Variants in KCTD19 observed in about 807,000 individuals in gnomAD.
KCTD19 encodes BTB/POZ domain-containing protein KCTD19.
A neutral mutation model predicts 103.5 loss-of-function variants in KCTD19; 67 were observed. That is an observed-to-expected ratio of 0.65 (90% CI 0.53 to 0.79). The LOEUF (loss-of-function observed/expected upper bound fraction) is 0.79, where lower values mean the gene tolerates loss of function less well. Ranked by LOEUF, KCTD19 falls within the 30% of genes least tolerant of loss-of-function variation. The pLI is 0.00. For synonymous variants in KCTD19, 439 were observed against 452.2 expected, an observed-to-expected ratio of 0.97 and a Z score of 0.37; for missense variants, 980 against 1,136.1, an observed-to-expected ratio of 0.86 and a Z score of 1.98.
At chr16:67,301,956 G>A in intron 4 of KCTD19, 34 bp from the exon 5 acceptor site, 1 of 1,611,774 alleles carries the variant, frequency 6.2e-7, no homozygotes, top group Non-Finnish European at 8.5e-7. Flanking sequence ...GTGAGTTAAT[G>A]AGGCTATTTC....
In KCTD19 at chr16:67,293,491, G is replaced by A. The variant is rs1479070450; in HGVS notation, c.2218+53C>T. 2 of 1,571,856 alleles carry A rather than the reference G, an allele frequency of 1.3e-6. No homozygotes were observed. Among genetic ancestry groups the A allele is most frequent in the African/African-American group, 1.4e-5 (1 of 73,640 alleles). ...CTTGCTCTGCCATCTTGGCCAAAGA[G>A]TTTGCCTTCTCTGTTGTGAATAAGA... On this transcript the variant is annotated intron_variant, in intron 12 of 15. Transcript: ENST00000304372. This position sits in a 1 kb window ranked among gnomAD's most constrained non-coding sequence, Gnocchi z 4.0.
rs1192314096 is a variant in KCTD19 at position 67,323,740 on chromosome 16, T to G, written c.4-2855A>C. On this transcript the variant is annotated intron_variant, in intron 1 of 15. Coordinates refer to ENST00000304372, the MANE Select transcript of KCTD19 (RefSeq NM_001100915.3). This position sits in a 1 kb window ranked among gnomAD's most constrained non-coding sequence, Gnocchi z 4.1. Reference sequence around the variant, plus strand: ...TGGGGAGATGGGGTGTGACTACTAATGAGTATGGGATTTCTTTTGGGGATG... The same window carrying G: ...TGGGGAGATGGGGTGTGACTACTAAGGAGTATGGGATTTCTTTTGGGGATG... 6.6e-6 allele frequency among the ~76,000 whole-genome samples: 1 copy of G among 152,148 alleles called. No individual in the cohort carries two copies. Among genetic ancestry groups the G allele is most frequent in the Non-Finnish European group, 1.5e-5 (1 of 68,042 alleles).
Position 67,298,634 on chromosome 16 carries a change from A to C in KCTD19, c.986+729T>G, listed in dbSNP as rs570957402. On this transcript the variant is annotated intron_variant, in intron 6 of 15. Coordinates refer to ENST00000304372, the MANE Select transcript of KCTD19 (RefSeq NM_001100915.3). ...TGACATCAGGGTGGACATCTCTGAA[A>C]GATATGGACTTTATGGGCTAAAAGA... 4.3e-4 allele frequency among the ~76,000 whole-genome samples: 65 copies of C among 152,290 alleles called. 1 individual carries two copies. Among genetic ancestry groups the C allele is most frequent in the African/African-American group, 1.5e-3 (63 of 41,552 alleles).
rs1438935069 is a variant in KCTD19, at chr16:67,325,361, C to T, written c.3+1344G>A. Among the ~76,000 whole-genome samples the T allele has an allele frequency of 3.0e-4, 45 of 149,276 alleles. 1 individual carries two copies. On this transcript the variant is annotated intron_variant, in intron 1 of 15. Coordinates refer to ENST00000304372, the MANE Select transcript of KCTD19 (RefSeq NM_001100915.3). The stretch of plus-strand genomic sequence containing the variant: ...TCAAGTAGCTGGGACTACAGGCGCC[C>T]GCCACCACGCCCGGCTTTATTTTAT...
chr16:67,311,478 G>C (rs553465505), intron 2 of KCTD19, among the ~76,000 whole-genome samples: 39 of 151,982 alleles, frequency 2.6e-4, no homozygotes, highest in African/African-American at 9.2e-4. Flanking sequence ...AATTTTTGTA[G>C]TTTTAGTAGA....
rs779715634 is a variant in KCTD19, at chr16:67,294,098, A to G, written c.1664T>C (p.Leu555Pro). Residue 555 changes from leucine (L) to proline (P), a missense_variant, in exon 12 of 16, where the codon CTG (leucine) becomes CCG (proline). Coordinates refer to ENST00000304372, the MANE Select transcript of KCTD19 (RefSeq NM_001100915.3). Reference protein sequence around the residue: ...RTPWNKAKGNLVRSNQMDEAE... With the variant: ...RTPWNKAKGNPVRSNQMDEAE... ...CTCATCCATCTGGTTGGACCTGACC[A>G]GGTTTCCCTTAGCCTTGTTCCATGG... 2.5e-6 allele frequency: 4 copies of G among 1,613,930 alleles called. No homozygotes were observed. Among genetic ancestry groups the G allele is most frequent in the Non-Finnish European group, 3.4e-6 (4 of 1,179,826 alleles).
At position 67,299,409 on chromosome 16, in the gene KCTD19, T is replaced by A. The variant is rs1297342779; in HGVS notation, c.940A>T (p.Ser314Cys). 29 of 1,614,138 alleles carry A rather than the reference T, an allele frequency of 1.8e-5. No homozygotes were observed. Among genetic ancestry groups the A allele is most frequent in the Non-Finnish European group, 2.5e-5 (29 of 1,180,054 alleles). Residue 314 changes from serine (S) to cysteine (C), a missense_variant, in exon 6 of 16, where the codon AGC becomes TGC. Transcript: ENST00000304372. The stretch of plus-strand genomic sequence containing the variant: ...CCATTCCCTGTGATGTACAGTCGGC[T>A]TCCGTCTAGCGTGCTCTCGATGCGA... Reference protein sequence around the residue: ...QLRIESTLDGSRLYITGNGVL... With the variant: ...QLRIESTLDGCRLYITGNGVL...
intron 1 of KCTD19, 117 bp downstream of exon 1, chr16:67,326,588 G>T: frequency 7.1e-7 from 1 of 1,406,856 alleles, no homozygotes. Flanking sequence ...GGGGCCCCTC[G>T]CTCTCTCCCA....
At position 67,303,153 on chromosome 16, in the gene KCTD19, G is replaced by T. The variant is rs757055899; in HGVS notation, c.636C>A (p.Arg212=). ...ALIECECSEF[R]FIVNFLRSQK... Reference sequence around the variant, plus strand: ...CCCGGACAGAGCAATCACCAATGAAGCGGAACTCGCTGCACTCGCACTCGA... The same window carrying T: ...CCCGGACAGAGCAATCACCAATGAATCGGAACTCGCTGCACTCGCACTCGA... The change falls in exon 4 of 16, where the codon CGC becomes CGA. Residue 212 remains arginine (R), a synonymous_variant. Transcript: ENST00000304372. The surrounding 1 kb of genome is among the most constrained non-coding windows in gnomAD (Gnocchi z 4.3). 1 of 1,605,622 alleles carries T rather than the reference G, an allele frequency of 6.2e-7. No homozygotes were observed. Among genetic ancestry groups the T allele is most frequent in the Non-Finnish European group, 8.5e-7 (1 of 1,176,552 alleles).
At chr16:67,319,048 C>T (rs1361477315) in intron 2 of KCTD19, among the ~76,000 whole-genome samples, 1 of 151,928 alleles carries the variant, frequency 6.6e-6, no homozygotes, top group Non-Finnish European at 1.5e-5. Context: ...TATAGTGAAA[C>T]CCCGTCTCTA....
At position 67,311,841 on chromosome 16, in the gene KCTD19, G is replaced by C. The variant is rs2036953075; in HGVS notation, c.301-7270C>G. 2.6e-5 allele frequency among the ~76,000 whole-genome samples: 4 copies of C among 152,152 alleles called. 1 individual carries two copies. In the Middle Eastern group the frequency reaches 0.01, roughly 388 times the overall value. ...TGAGGAGCCCTGATGCCACGTCAAGGGGTTTGCATTTGAGTCATCCACTTA... is the reference window on the plus strand; with the variant it reads ...TGAGGAGCCCTGATGCCACGTCAAGCGGTTTGCATTTGAGTCATCCACTTA... On this transcript the variant is annotated intron_variant, in intron 2 of 15. Coordinates refer to ENST00000304372, the MANE Select transcript of KCTD19 (RefSeq NM_001100915.3).
intron 12 of KCTD19, among the ~76,000 whole-genome samples, chr16:67,292,805 T>C (rs932625301): frequency 1.3e-5 from 2 of 152,114 alleles, no homozygotes; most frequent in African/African-American, 4.8e-5. Context: ...TGGATGTCCC[T>C]CGGCATTTCA....
chr16:67,291,033 C>T, intron 14 of KCTD19, 47 bp from the exon 15 acceptor site: 1 of 1,576,194 alleles, frequency 6.3e-7, no homozygotes. Flanking sequence ...AGCTCCTAGC[C>T]CCTCAGAGTG....
In KCTD19 at chr16:67,292,531, A is replaced by C. The variant is rs542546844; in HGVS notation, c.2219-694T>G. ...TGGGGCCAGCCTTTGATGCATGTCC[A>C]AAGAGTGGACATTTGTCATCCCAAC... is the stretch of plus-strand genomic sequence containing the variant. On this transcript the variant is annotated intron_variant, in intron 12 of 15. Coordinates refer to ENST00000304372, the MANE Select transcript of KCTD19 (RefSeq NM_001100915.3). 1.1e-4 allele frequency among the ~76,000 whole-genome samples: 17 copies of C among 152,370 alleles called. 1 individual carries two copies. In the South Asian group the frequency reaches 3.5e-3, roughly 32 times the overall value.
chr16:67,292,023 G>C (rs2036703008), intron 12 of KCTD19, among the ~76,000 whole-genome samples, 186 bp from the exon 13 acceptor site: 1 of 152,154 alleles, frequency 6.6e-6, no homozygotes, highest in Non-Finnish European at 1.5e-5. Flanking sequence ...ACAGGCACCT[G>C]CCACCACGCC....
intron 7 of KCTD19, among the ~76,000 whole-genome samples, chr16:67,296,634 T>C (rs2142504552): frequency 6.6e-6 from 1 of 152,298 alleles, no homozygotes; most frequent in African/African-American, 2.4e-5. Flanking sequence ...TTTATGTTCG[T>C]GGTTTGGCAA....
chr16:67,294,165 CTG>C lies in KCTD19; in HGVS notation c.1595_1596del (p.Thr532SerfsTer12), dbSNP rs749324566. The part of the protein sequence containing the change: ...VEFSRDTKET[T>X]AYMPVDFEDC... ...TCTTCGAAGTCCACAGGCATGTAGG[CTG>C]TGGTCTGGGGAGGGAAGGGCACAGT... On this transcript the variant is annotated frameshift_variant, in exon 12 of 16. Transcript: ENST00000304372. LOFTEE classifies it high-confidence loss of function. 15 of 1,600,292 alleles carry C rather than the reference CTG, an allele frequency of 9.4e-6. No homozygotes were observed. In the Admixed American group the frequency reaches 1.5e-4, roughly 16 times the overall value.
intron 11 of KCTD19, 146 bp from the exon 12 acceptor site, chr16:67,294,317 T>A: frequency 4.2e-6 from 4 of 946,134 alleles, no homozygotes; most frequent in Non-Finnish European, 4.7e-6. Flanking sequence ...ATTTGAGCTT[T>A]GCTCAGGCTG....
rs2037066937 is a variant in KCTD19, at chr16:67,320,931, A to C, written c.4-46T>G. 1 of 1,497,572 alleles carries C rather than the reference A, an allele frequency of 6.7e-7. No homozygotes were observed. Among genetic ancestry groups the C allele is most frequent in the African/African-American group, 1.4e-5 (1 of 71,172 alleles). The allele number at this position is 1,497,572 out of a possible 1,614,324, so 92.8% of individuals were successfully genotyped here. ...AGATCTACGCAAGAAAAAGAAATAA[A>C]AAGGCATCCAGATTGAAAAGGTAGA... On this transcript the variant is annotated intron_variant, in intron 1 of 15. Transcript: ENST00000304372. The surrounding 1 kb of genome is among the most constrained non-coding windows in gnomAD (Gnocchi z 4.0).
Sources: allele counts gnomAD v4.1 joint callset (sites outside exome capture counted in the v4.1 genomes callset), GRCh38; gene constraint gnomAD v4.1.1; non-coding constraint Gnocchi (gnomAD v3.1); transcripts MANE v1.5; gene names NCBI Gene and HGNC (gene_info 2026-07-23, HGNC 2026-07-21).